PRKCA: variants seen among roughly 807,000 people sequenced by gnomAD.
PRKCA encodes the protein protein kinase C alpha type.
A neutral mutation model predicts 87.0 loss-of-function variants in PRKCA; 27 were observed. The observed-to-expected ratio is 0.31, with a 90% CI of 0.23 to 0.43. The LOEUF (loss-of-function observed/expected upper bound fraction) is 0.43, where lower values mean the gene tolerates loss of function less well. Among genes scored for constraint, PRKCA ranks in the 20% least tolerant of loss-of-function variants. The probability of loss-of-function intolerance (pLI) is 1.00; values close to 1 mark genes in which losing one functional copy is unlikely to be tolerated. For missense variants in PRKCA, 518 were observed against 852.3 expected (o/e 0.61, Z 4.88); for synonymous variants, 329 against 311.1 (o/e 1.06, Z -0.61).
intron 3 of PRKCA, among the ~76,000 whole-genome samples, chr17:66,548,364 G>T (rs58300078): frequency 1.3e-5 from 2 of 152,030 alleles, no homozygotes; most frequent in African/African-American, 4.8e-5. Flanking sequence ...ATCTCCTGCC[G>T]CCTCCCTCCC....
At chr17:66,520,617 G>A (rs1967130719) in intron 3 of PRKCA, among the ~76,000 whole-genome samples, 1 of 152,152 alleles carries the variant, frequency 6.6e-6, no homozygotes, top group African/African-American at 2.4e-5. Flanking sequence ...GGCACGTTAA[G>A]TTCAACTTAT....
intron 3 of PRKCA, among the ~76,000 whole-genome samples, chr17:66,518,655 G>C (rs968032954): frequency 6.6e-6 from 1 of 152,020 alleles, no homozygotes; most frequent in African/African-American, 2.4e-5. Flanking sequence ...TTCTGAATCG[G>C]TCCCTATTAG....
chr17:66,692,641 C>T (rs72848633), intron 8 of PRKCA, among the ~76,000 whole-genome samples: 32,302 of 152,098 alleles, frequency 0.21, 4,317 homozygotes, highest in Non-Finnish European at 0.29. Context: ...GCCCCCACCC[C>T]GTTTCCTCCT....
chr17:66,413,849 A>C (rs568565230), intron 2 of PRKCA, among the ~76,000 whole-genome samples: 50 of 152,208 alleles, frequency 3.3e-4, no homozygotes, highest in Non-Finnish European at 5.6e-4. Context: ...CCCCGTCTCT[A>C]CTAAAAATAC....
chr17:66,649,527 G>T (rs1361917578), intron 5 of PRKCA, among the ~76,000 whole-genome samples: 2 of 152,210 alleles, frequency 1.3e-5, no homozygotes, highest in African/African-American at 2.4e-5. Context: ...GGAAGGAAAT[G>T]GCTCCAAGTT....
chr17:66,546,477 G>C (rs117117596), intron 3 of PRKCA, among the ~76,000 whole-genome samples: 31 of 152,274 alleles, frequency 2.0e-4, no homozygotes, highest in African/African-American at 7.0e-4. Flanking sequence ...ATCTTTCCTT[G>C]CATTTTCCTA....
chr17:66,448,094 G>A (rs1194075573), intron 2 of PRKCA, among the ~76,000 whole-genome samples: 1 of 152,160 alleles, frequency 6.6e-6, no homozygotes. Context: ...GAAAGCTTAG[G>A]TTCTTTAGAA....
chr17:66,630,434 C>G (rs1970979349), intron 3 of PRKCA, among the ~76,000 whole-genome samples: 1 of 152,240 alleles, frequency 6.6e-6, no homozygotes. Flanking sequence ...TAGCCCCTCC[C>G]TGGATGCAGA....
At chr17:66,776,090 C>A (rs912439179) in intron 14 of PRKCA, among the ~76,000 whole-genome samples, 2 of 152,150 alleles carry the variant, frequency 1.3e-5, no homozygotes, top group African/African-American at 4.8e-5. Flanking sequence ...TGTGCAGCCA[C>A]GTTTAAGAAA....
At chr17:66,541,507 A>G (rs1185385857) in intron 3 of PRKCA, among the ~76,000 whole-genome samples, 1 of 152,046 alleles carries the variant, frequency 6.6e-6, no homozygotes, top group Non-Finnish European at 1.5e-5. Context: ...GGAAGAAAAA[A>G]TAATTCCCAC....
intron 3 of PRKCA, among the ~76,000 whole-genome samples, chr17:66,591,994 G>A (rs1176070093): frequency 6.6e-6 from 1 of 152,006 alleles, no homozygotes; most frequent in East Asian, 1.9e-4. Context: ...CTTGGCCTAG[G>A]ATGCAATATT....
chr17:66,359,283 G>A (rs1042143229), intron 2 of PRKCA, among the ~76,000 whole-genome samples: 4 of 152,000 alleles, frequency 2.6e-5, no homozygotes, highest in Non-Finnish European at 5.9e-5. Context: ...ACAGACACGC[G>A]TCACTTTAAT....
chr17:66,797,127 C>G (rs1307542035), intron 16 of PRKCA, among the ~76,000 whole-genome samples: 4 of 152,162 alleles, frequency 2.6e-5, no homozygotes, highest in African/African-American at 7.2e-5. Context: ...GTGTATTGCT[C>G]ATGCTCAGAG....
intron 2 of PRKCA, among the ~76,000 whole-genome samples, chr17:66,333,066 G>A (rs1346330424): frequency 6.6e-6 from 1 of 152,124 alleles, no homozygotes; most frequent in East Asian, 1.9e-4. Flanking sequence ...AGTGTTCTTT[G>A]TTTAAATAAA....
At chr17:66,424,568 A>AAAC (rs1555602396) in intron 2 of PRKCA, among the ~76,000 whole-genome samples, 1 of 141,950 alleles carries the variant, frequency 7.0e-6, no homozygotes, top group Non-Finnish European at 1.5e-5. Context: ...CCCTGTCTCA[A>AAAC]ACACACACAC....
In PRKCA at chr17:66,788,988, A is replaced by G; in HGVS notation, c.1854+9A>G. ...CATTCAAGCCCAAAGTGGTGAGTCCAGAAAAGCAGCCTGTTTTCGGAACCC... is the reference window on the plus strand; with the variant it reads ...CATTCAAGCCCAAAGTGGTGAGTCCGGAAAAGCAGCCTGTTTTCGGAACCC... On this transcript the variant is annotated intron_variant, in intron 16 of 16. Transcript: ENST00000413366. 1.9e-6 allele frequency: 3 copies of G among 1,613,980 alleles called. No homozygotes were observed. The East Asian group carries it at 6.7e-5, about 36-fold the overall frequency.
chr17:66,782,069 A>G (rs761681303), intron 14 of PRKCA, among the ~76,000 whole-genome samples: 1 of 151,854 alleles, frequency 6.6e-6, no homozygotes, highest in Non-Finnish European at 1.5e-5. Flanking sequence ...GCACTCTACC[A>G]TGTCCAGCTA....
chr17:66,348,657 A>G (rs1907552919), intron 2 of PRKCA, among the ~76,000 whole-genome samples: 1 of 152,198 alleles, frequency 6.6e-6, no homozygotes, highest in Admixed American at 6.5e-5. Flanking sequence ...TGCATTCAAA[A>G]CATAGTCAAC....
At chr17:66,687,763 G>A (rs1286625570) in intron 6 of PRKCA, among the ~76,000 whole-genome samples, 1 of 152,178 alleles carries the variant, frequency 6.6e-6, no homozygotes, top group Non-Finnish European at 1.5e-5. Flanking sequence ...GCCTGGGAGG[G>A]TTGCCAGGAT....
Sources: gnomAD v4.1 joint callset for allele counts (sites outside exome capture counted in the v4.1 genomes callset) on GRCh38, gnomAD v4.1.1 for gene constraint, MANE v1.5 for transcripts, NCBI Gene and HGNC (gene_info 2026-07-23, HGNC 2026-07-21) for gene names.